GALNT14: variants seen among roughly 807,000 people sequenced by gnomAD.
GALNT14 encodes the protein UDP-GalNAc:polypeptide N-acetylgalactosaminyltransferase 14.
GALNT14 carries 60 observed loss-of-function variants against 77.5 expected under a neutral mutation model. The observed-to-expected ratio is 0.77, with a 90% confidence interval of 0.63 to 0.96. The LOEUF (loss-of-function observed/expected upper bound fraction) is 0.96, where lower values mean the gene tolerates loss of function less well. Among genes scored for constraint, GALNT14 ranks in the 40% least tolerant of loss-of-function variants. The pLI is 0.00. For missense variants in GALNT14, 710 were observed against 731.0 expected, an observed-to-expected ratio of 0.97 and a Z score of 0.33; for synonymous variants, 280 against 281.7, an observed-to-expected ratio of 0.99 and a Z score of 0.06.
intron 2 of GALNT14, among the ~76,000 whole-genome samples, chr2:30,989,620 T>A (rs1669552057): frequency 7.3e-6 from 1 of 136,302 alleles, no homozygotes; most frequent in African/African-American, 2.7e-5. Flanking sequence ...AAATATATAT[T>A]AGTATATATA....
intron 6 of GALNT14, among the ~76,000 whole-genome samples, chr2:30,952,482 T>C (rs912670800): frequency 6.7e-6 from 1 of 150,316 alleles, no homozygotes; most frequent in African/African-American, 2.4e-5. Flanking sequence ...AAATTGGAAA[T>C]CATCATTCTC....
intron 1 of GALNT14, among the ~76,000 whole-genome samples, chr2:31,095,047 A>G (rs981290286): frequency 6.6e-6 from 1 of 152,230 alleles, no homozygotes; most frequent in African/African-American, 2.4e-5. Flanking sequence ...ATTCTAGCTG[A>G]GCACTAAGAG....
intron 4 of GALNT14, among the ~76,000 whole-genome samples, chr2:30,958,164 A>G (rs183936051): frequency 3.3e-5 from 5 of 152,262 alleles, no homozygotes; most frequent in Admixed American, 2.6e-4. Flanking sequence ...AAATGATAGG[A>G]AGAGGGCCTT....
chr2:30,971,438 A>G (rs982880467), intron 2 of GALNT14, among the ~76,000 whole-genome samples: 4 of 152,088 alleles, frequency 2.6e-5, no homozygotes, highest in Admixed American at 6.5e-5. Context: ...CCTCCTGGGG[A>G]AACAGAATCC....
chr2:31,120,615 G>C (rs927371838), intron 1 of GALNT14, among the ~76,000 whole-genome samples: 4 of 152,054 alleles, frequency 2.6e-5, no homozygotes, highest in Non-Finnish European at 5.9e-5. Context: ...GGAGTGCAGT[G>C]CCACGATCTT....
At chr2:30,995,099 G>A (rs905815100) in intron 1 of GALNT14, among the ~76,000 whole-genome samples, 3 of 151,580 alleles carry the variant, frequency 2.0e-5, no homozygotes, top group African/African-American at 7.3e-5. Context: ...CAGTATATTA[G>A]TCAGGGTCCT....
intron 13 of GALNT14, 132 bp downstream of exon 13, chr2:30,923,987 A>G: frequency 3.0e-6 from 3 of 1,001,330 alleles, no homozygotes; most frequent in Non-Finnish European, 4.6e-6. Context: ...CACACCTCTC[A>G]TGCTCCACTA....
At chr2:31,111,408 A>T (rs1677827756) in intron 1 of GALNT14, among the ~76,000 whole-genome samples, 1 of 152,250 alleles carries the variant, frequency 6.6e-6, no homozygotes, top group Admixed American at 6.5e-5. Context: ...AACATTTGTG[A>T]AATCTAATTT....
intron 9 of GALNT14, among the ~76,000 whole-genome samples, chr2:30,938,382 A>ACTCTCTCTCTCT (rs1308784183): frequency 1.4e-5 from 2 of 143,512 alleles, no homozygotes; most frequent in African/African-American, 5.8e-5. Context: ...ACACACACAC[A>ACTCTCTCTCTCT]CACTCTCTCT....
chr2:31,057,898 C>A (rs565573731), intron 1 of GALNT14, among the ~76,000 whole-genome samples: 2 of 152,006 alleles, frequency 1.3e-5, no homozygotes, highest in Non-Finnish European at 2.9e-5. Context: ...CTGCAGGAGA[C>A]CTTCAGGAGG....
chr2:31,106,516 C>A (rs78180324), intron 1 of GALNT14, among the ~76,000 whole-genome samples: 2,066 of 152,124 alleles, frequency 0.014, 39 homozygotes, highest in African/African-American at 0.047. Context: ...TTTCTGAGAC[C>A]AATTTGCCTT....
chr2:31,027,918 G>GTGTGTGTGTGTGTGTGTGCGCA (rs61690434), intron 1 of GALNT14, among the ~76,000 whole-genome samples: 1 of 151,452 alleles, frequency 6.6e-6, no homozygotes, highest in Non-Finnish European at 1.5e-5. Context: ...GTGTGTGTGT[G>GTGTGTGTGTGTGTGTGTGCGCA]CACGCATGCA....
rs1328471371 is a variant in GALNT14 at position 31,101,729 on chromosome 2, GT to G, written c.129+36228del. ...TTAACTAGTAGTTTATTTTATTGTTGTTTTTTTCCCCATGATATGGTTTGGC... is the reference window on the plus strand; with the variant it reads ...TTAACTAGTAGTTTATTTTATTGTTGTTTTTTCCCCATGATATGGTTTGGC... On this transcript the variant is annotated intron_variant, in intron 1 of 14. Coordinates refer to ENST00000349752, the MANE Select transcript of GALNT14 (RefSeq NM_024572.4). 2.0e-5 allele frequency among the ~76,000 whole-genome samples: 3 copies of G among 151,852 alleles called. No individual in the cohort carries two copies. The South Asian group carries it at 6.2e-4, about 32-fold the overall frequency.
intron 1 of GALNT14, among the ~76,000 whole-genome samples, chr2:31,029,954 T>C (rs1029957338): frequency 1.3e-5 from 2 of 152,260 alleles, no homozygotes; most frequent in African/African-American, 4.8e-5. Flanking sequence ...AAGCTTTCCA[T>C]TGTCCTTGGG....
chr2:31,092,190 C>G (rs1054367173), intron 1 of GALNT14, among the ~76,000 whole-genome samples: 1 of 152,036 alleles, frequency 6.6e-6, no homozygotes, highest in Non-Finnish European at 1.5e-5. Flanking sequence ...CTTTGCTCCT[C>G]AGCTTGCAGA....
chr2:31,121,190 C>T (rs538432194), intron 1 of GALNT14, among the ~76,000 whole-genome samples: 1 of 152,272 alleles, frequency 6.6e-6, no homozygotes, highest in South Asian at 2.1e-4. Flanking sequence ...TGGCCATGGC[C>T]CTGCCAAGGC....
chr2:31,075,711 C>T (rs907839803), intron 1 of GALNT14, among the ~76,000 whole-genome samples: 1 of 152,250 alleles, frequency 6.6e-6, no homozygotes, highest in African/African-American at 2.4e-5. Context: ...TTTCCTTTCA[C>T]TGCTGAATTG....
chr2:30,978,654 G>T (rs74670719), intron 2 of GALNT14, among the ~76,000 whole-genome samples: 3,471 of 152,220 alleles, frequency 0.023, 140 homozygotes, highest in East Asian at 0.21. Context: ...CTCGCTCACC[G>T]GCACCTGCAC....
intron 1 of GALNT14, among the ~76,000 whole-genome samples, chr2:31,020,727 C>A (rs533698960): frequency 6.6e-6 from 1 of 152,274 alleles, no homozygotes; most frequent in African/African-American, 2.4e-5. Flanking sequence ...TCTTGGCTCC[C>A]ACATATCATA....
Sources: gnomAD v4.1 joint callset for allele counts (sites outside exome capture counted in the v4.1 genomes callset) on GRCh38, gnomAD v4.1.1 for gene constraint, MANE v1.5 for transcripts, NCBI Gene and HGNC (gene_info 2026-07-23, HGNC 2026-07-21) for gene names.